The following FAM135B variants were observed in gnomAD, a reference collection of about 807,000 sequenced individuals.
The protein encoded by FAM135B is family with sequence similarity 135 member B, also known as protein FAM135B.
FAM135B carries 43 observed loss-of-function variants against 127.7 expected under a neutral mutation model. The ratio of observed to expected loss-of-function variants is 0.34; its 90% CI spans 0.26 to 0.43. The LOEUF is 0.43. FAM135B is among the 20% of genes least tolerant of loss of function. The probability of loss-of-function intolerance (pLI) is 1.00; values close to 1 mark genes in which losing one functional copy is unlikely to be tolerated. For synonymous variants in FAM135B, 670 were observed against 665.1 expected, an observed-to-expected ratio of 1.01 and a Z score of -0.11; for missense variants, 1,558 against 1,725.6, an observed-to-expected ratio of 0.90 and a Z score of 1.72.
intron 3 of FAM135B, among the ~76,000 whole-genome samples, chr8:138,266,097 A>C (rs146714368): frequency 6.9e-4 from 105 of 152,266 alleles, no homozygotes; most frequent in African/African-American, 2.4e-3. Flanking sequence ...TGCCGTGGGC[A>C]ATGCTCCTGG....
At chr8:138,168,154 C>T (rs1339733176) in intron 11 of FAM135B, 105 bp from the exon 12 acceptor site, 4 of 1,283,208 alleles carry the variant, frequency 3.1e-6, no homozygotes, top group South Asian at 3.1e-5. Flanking sequence ...TCAGCTGACT[C>T]TGGCAATTGT....
chr8:138,434,327 T>G (rs766236923), intron 1 of FAM135B, among the ~76,000 whole-genome samples: 1 of 152,232 alleles, frequency 6.6e-6, no homozygotes, highest in Non-Finnish European at 1.5e-5. Context: ...GGAGTGAGAA[T>G]AATCAGGAAA....
intron 3 of FAM135B, among the ~76,000 whole-genome samples, chr8:138,307,076 C>A (rs1826317703): frequency 6.6e-6 from 1 of 152,214 alleles, no homozygotes; most frequent in South Asian, 2.1e-4. Context: ...ACCTTGGCAC[C>A]TGACATGGTT....
intron 1 of FAM135B, among the ~76,000 whole-genome samples, chr8:138,492,351 A>C (rs993883495): frequency 2.0e-5 from 3 of 151,646 alleles, no homozygotes; most frequent in African/African-American, 7.3e-5. Flanking sequence ...GTTCCTCTCT[A>C]CTATTCCTTC....
At chr8:138,265,657 T>A (rs769056804) in intron 4 of FAM135B, 46 bp downstream of exon 4, 1 of 1,607,106 alleles carries the variant, frequency 6.2e-7, no homozygotes, top group Non-Finnish European at 8.5e-7. Context: ...AGAACAGCCA[T>A]GATAGGGAAC....
intron 1 of FAM135B, among the ~76,000 whole-genome samples, chr8:138,427,592 G>A (rs1834967150): frequency 6.6e-6 from 1 of 152,010 alleles, no homozygotes; most frequent in East Asian, 1.9e-4. Context: ...ACTTGTAATG[G>A]GTCAGTGAGT....
chr8:138,484,127 G>C (rs991242734), intron 1 of FAM135B, among the ~76,000 whole-genome samples: 4 of 152,036 alleles, frequency 2.6e-5, no homozygotes, highest in Admixed American at 1.3e-4. Context: ...TCTTTTTTTA[G>C]CCTAAGCAGG....
At chr8:138,218,446 A>G (rs1285129899) in intron 7 of FAM135B, among the ~76,000 whole-genome samples, 1 of 152,168 alleles carries the variant, frequency 6.6e-6, no homozygotes, top group Non-Finnish European at 1.5e-5. Flanking sequence ...GAAAATAGTG[A>G]AGAGTTCAGA....
chr8:138,189,585 C>T (rs1815922992), intron 9 of FAM135B, among the ~76,000 whole-genome samples: 1 of 152,182 alleles, frequency 6.6e-6, no homozygotes, highest in Admixed American at 6.5e-5. Context: ...GTCATGGGTA[C>T]TCCCCTCTAG....
chr8:138,373,993 T>C (rs1587274492), intron 1 of FAM135B, among the ~76,000 whole-genome samples: 1 of 152,308 alleles, frequency 6.6e-6, no homozygotes, highest in Admixed American at 6.5e-5. Context: ...TCCATTTGCC[T>C]TGTGATATTC....
At chr8:138,266,343 T>C (rs1295336394) in intron 3 of FAM135B, among the ~76,000 whole-genome samples, 1 of 152,132 alleles carries the variant, frequency 6.6e-6, no homozygotes, top group Non-Finnish European at 1.5e-5. Context: ...TTTAGGAAAA[T>C]GTGCTAATCC....
intron 1 of FAM135B, among the ~76,000 whole-genome samples, chr8:138,393,891 C>T (rs555543328): frequency 6.6e-6 from 1 of 152,322 alleles, no homozygotes; most frequent in Non-Finnish European, 1.5e-5. Context: ...GGAACCCAGG[C>T]CTTCCACAAG....
At chr8:138,432,374 A>G (rs149283092) in intron 1 of FAM135B, among the ~76,000 whole-genome samples, 3 of 152,158 alleles carry the variant, frequency 2.0e-5, no homozygotes, top group South Asian at 2.1e-4. Context: ...TCAAATTCCT[A>G]CACTTTGGAT....
intron 4 of FAM135B, among the ~76,000 whole-genome samples, chr8:138,263,697 T>A (rs1196429947): frequency 1.3e-5 from 2 of 151,894 alleles, no homozygotes; most frequent in Non-Finnish European, 2.9e-5. Context: ...ATATAGAGAG[T>A]CAAGGGCCAT....
intron 1 of FAM135B, among the ~76,000 whole-genome samples, chr8:138,416,360 G>A (rs886197472): frequency 6.6e-6 from 1 of 152,172 alleles, no homozygotes; most frequent in Non-Finnish European, 1.5e-5. Flanking sequence ...CTAAGGGCAT[G>A]TGACTTACAT....
chr8:138,275,785 G>A (rs993164218), intron 3 of FAM135B, among the ~76,000 whole-genome samples: 1 of 152,130 alleles, frequency 6.6e-6, no homozygotes, highest in Non-Finnish European at 1.5e-5. Flanking sequence ...TCTTTACTAT[G>A]GTTAATTGGC....
At chr8:138,350,398 C>T (rs760250883) in intron 2 of FAM135B, among the ~76,000 whole-genome samples, 1 of 152,084 alleles carries the variant, frequency 6.6e-6, no homozygotes, top group Non-Finnish European at 1.5e-5. Context: ...CAAATCAATC[C>T]TTTTGATGCA....
chr8:138,426,908 T>C (rs1223436489), intron 1 of FAM135B, among the ~76,000 whole-genome samples: 1 of 152,030 alleles, frequency 6.6e-6, no homozygotes, highest in African/African-American at 2.4e-5. Flanking sequence ...ATGAAAACTA[T>C]CTTCCCAAGA....
chr8:138,468,815 C>T (rs531045820), intron 1 of FAM135B, among the ~76,000 whole-genome samples: 41 of 152,252 alleles, frequency 2.7e-4, no homozygotes, highest in East Asian at 5.8e-4. Flanking sequence ...GAGGCCAAGG[C>T]GGGCAGATCA....
Sources: allele counts gnomAD v4.1 joint callset (sites outside exome capture counted in the v4.1 genomes callset), GRCh38; gene constraint gnomAD v4.1.1; transcripts MANE v1.5; gene names NCBI Gene and HGNC (gene_info 2026-07-23, HGNC 2026-07-21).